SPOCK1: variants seen among roughly 807,000 people sequenced by gnomAD.
SPOCK1 encodes testican-1.
In SPOCK1, 23 loss-of-function variants were observed where a neutral mutation model predicts 55.3. That is an observed-to-expected ratio of 0.42 (90% CI 0.30 to 0.59). The LOEUF is 0.59. Ranked by LOEUF, SPOCK1 falls within the 20% of genes least tolerant of loss-of-function variation. SPOCK1 has a pLI of 0.22. For missense variants in SPOCK1, 499 were observed against 552.5 expected (o/e 0.90, Z 0.97); for synonymous variants, 226 against 221.0 (o/e 1.02, Z -0.20).
chr5:137,169,370 A>G (rs1253992086), intron 3 of SPOCK1, among the ~76,000 whole-genome samples: 1 of 152,200 alleles, frequency 6.6e-6, no homozygotes, highest in African/African-American at 2.4e-5. Flanking sequence ...AGTGCTTAAG[A>G]TGATAGATAC....
Position 137,160,542 on chromosome 5 carries a change from TA to T in SPOCK1, c.233-19849del, listed in dbSNP as rs1248390726. Among the ~76,000 whole-genome samples the T allele has an allele frequency of 8.2e-3, 418 of 51,102 alleles. 4 individuals carry two copies. Among genetic ancestry groups the T allele is most frequent in the African/African-American group, 0.02 (232 of 11,720 alleles). The allele number at this position is 51,102 out of a possible 152,430, so 33.5% of individuals were successfully genotyped here. On this transcript the variant is annotated intron_variant, in intron 3 of 10. Coordinates refer to ENST00000394945, the MANE Select transcript of SPOCK1 (RefSeq NM_004598.4). ...ATATATAATATATAAAAATATATAA[TA>T]TATATAATATATATTATATATTATA...
intron 9 of SPOCK1, 57 bp from the exon 10 acceptor site, chr5:136,979,526 A>T: frequency 1.9e-6 from 3 of 1,587,436 alleles, no homozygotes; most frequent in Non-Finnish European, 2.6e-6. Context: ...ACTCGGGGTT[A>T]ATGCCCGTCA....
Position 137,129,518 on chromosome 5 carries a change from G to A in SPOCK1, c.347+11062C>T, listed in dbSNP as rs901899709. Among the ~76,000 whole-genome samples the A allele has an allele frequency of 3.9e-5, 6 of 152,106 alleles. No individual in the cohort carries two copies. The South Asian group carries it at 1.0e-3, about 26-fold the overall frequency. On this transcript the variant is annotated intron_variant, in intron 4 of 10. Coordinates refer to ENST00000394945, the MANE Select transcript of SPOCK1 (RefSeq NM_004598.4). ...TTTTATGGATAATTGGGTGGTCAGG[G>A]GCCTAAGGAATGGGTGCCACTGATT...
chr5:137,224,400 A>G (rs1755911012), intron 3 of SPOCK1, among the ~76,000 whole-genome samples: 1 of 152,238 alleles, frequency 6.6e-6, no homozygotes, highest in South Asian at 2.1e-4. Context: ...AGTAAGTGAC[A>G]TGCTTTCAAG....
At chr5:137,340,516 AC>A (rs1394321343) in intron 2 of SPOCK1, among the ~76,000 whole-genome samples, 2 of 152,160 alleles carry the variant, frequency 1.3e-5, no homozygotes, top group Non-Finnish European at 2.9e-5. Flanking sequence ...TAACTGTAGT[AC>A]CCCTCACCAG....
chr5:137,294,719 T>C (rs1757444661), intron 2 of SPOCK1, among the ~76,000 whole-genome samples: 1 of 152,208 alleles, frequency 6.6e-6, no homozygotes, highest in African/African-American at 2.4e-5. Context: ...TTCTCCTACT[T>C]TCCATCTCTC....
intron 2 of SPOCK1, among the ~76,000 whole-genome samples, chr5:137,444,270 C>T (rs761949287): frequency 6.6e-6 from 1 of 152,238 alleles, no homozygotes; most frequent in African/African-American, 2.4e-5. Flanking sequence ...TCCAACCCTA[C>T]ATCACCTTCC....
intron 7 of SPOCK1, among the ~76,000 whole-genome samples, chr5:136,989,626 G>A (rs1052162541): frequency 1.3e-5 from 2 of 152,066 alleles, no homozygotes; most frequent in Non-Finnish European, 2.9e-5. Context: ...AAAAAATAAG[G>A]CTCAAGGTCA....
intron 3 of SPOCK1, among the ~76,000 whole-genome samples, chr5:137,254,893 A>T (rs1756603775): frequency 6.6e-6 from 1 of 152,246 alleles, no homozygotes; most frequent in African/African-American, 2.4e-5. Context: ...GAAAGCACAG[A>T]TCATCTGAAC....
At position 137,294,979 on chromosome 5, in the gene SPOCK1, G is replaced by T. The variant is rs190774476; in HGVS notation, c.187-27924C>A. Among the ~76,000 whole-genome samples, 3 of 152,050 alleles carry T rather than the reference G, an allele frequency of 2.0e-5. No homozygotes were observed. In the East Asian group the frequency reaches 5.8e-4, roughly 29 times the overall value. ...CCACCCCCATGATCTCCTACTTCTGGCACTGCCCTTCTCCCTTTATTTTTC... is the reference window on the plus strand; with the variant it reads ...CCACCCCCATGATCTCCTACTTCTGTCACTGCCCTTCTCCCTTTATTTTTC... On this transcript the variant is annotated intron_variant, in intron 2 of 10. Coordinates refer to ENST00000394945, the MANE Select transcript of SPOCK1 (RefSeq NM_004598.4).
chr5:137,204,046 G>T (rs903347794), intron 3 of SPOCK1, among the ~76,000 whole-genome samples: 3 of 152,116 alleles, frequency 2.0e-5, no homozygotes, highest in African/African-American at 7.2e-5. Context: ...ATCTGGATTT[G>T]TCCTGTACTC....
intron 4 of SPOCK1, among the ~76,000 whole-genome samples, chr5:137,132,174 C>CAAAAAAA (rs762937224): frequency 3.4e-5 from 2 of 59,206 alleles, no homozygotes; most frequent in Non-Finnish European, 3.1e-5. Context: ...GACTCTGTCT[C>CAAAAAAA]AAAAAAAAAA....
chr5:137,498,660 G>A, intron 1 of SPOCK1, 102 bp from the exon 2 acceptor site: 1 of 1,035,830 alleles, frequency 9.7e-7, no homozygotes, highest in South Asian at 4.8e-5. Context: ...CGGGGACCCC[G>A]CGGCGGGCAC....
intron 6 of SPOCK1, among the ~76,000 whole-genome samples, chr5:137,042,906 C>T (rs1752028169): frequency 2.0e-5 from 3 of 151,990 alleles, no homozygotes; most frequent in Admixed American, 2.0e-4. Flanking sequence ...CATATATATT[C>T]CCTTGCTGTC....
intron 3 of SPOCK1, among the ~76,000 whole-genome samples, chr5:137,211,815 G>A (rs934557052): frequency 1.3e-5 from 2 of 152,098 alleles, no homozygotes; most frequent in Non-Finnish European, 2.9e-5. Flanking sequence ...AGAACTTTTG[G>A]ATTGTTGAAC....
chr5:137,365,764 C>A (rs904725274), intron 2 of SPOCK1, among the ~76,000 whole-genome samples: 1 of 152,152 alleles, frequency 6.6e-6, no homozygotes, highest in Non-Finnish European at 1.5e-5. Context: ...CTCTTCAGAG[C>A]TCAGAAGGTT....
chr5:137,263,061 A>G (rs1028121435), intron 3 of SPOCK1, among the ~76,000 whole-genome samples: 1 of 152,228 alleles, frequency 6.6e-6, no homozygotes, highest in African/African-American at 2.4e-5. Flanking sequence ...ACAGAGTCAA[A>G]TTCTAAACTT....
At chr5:137,069,704 G>T (rs1057387684) in intron 5 of SPOCK1, among the ~76,000 whole-genome samples, 1 of 152,168 alleles carries the variant, frequency 6.6e-6, no homozygotes, top group Non-Finnish European at 1.5e-5. Context: ...TGCCATGACC[G>T]GGCTGCCTCC....
intron 6 of SPOCK1, among the ~76,000 whole-genome samples, chr5:136,995,865 T>C (rs1751030319): frequency 6.6e-6 from 1 of 152,168 alleles, no homozygotes; most frequent in Non-Finnish European, 1.5e-5. Flanking sequence ...AGGGAGCCAC[T>C]GGTGTGGGTC....
Sources: allele counts gnomAD v4.1 joint callset (sites outside exome capture counted in the v4.1 genomes callset), GRCh38; gene constraint gnomAD v4.1.1; transcripts MANE v1.5; gene names NCBI Gene and HGNC (gene_info 2026-07-23, HGNC 2026-07-21).